MMP26: variants seen among roughly 807,000 people sequenced by gnomAD.
MMP26 encodes matrix metalloproteinase-26.
Under a neutral mutation model 31.0 loss-of-function variants are expected in MMP26, and 33 were observed. That is an observed-to-expected ratio of 1.06 (90% CI 0.81 to 1.42). The LOEUF (loss-of-function observed/expected upper bound fraction) is 1.42, where lower values mean the gene tolerates loss of function less well. Among genes scored for constraint, MMP26 ranks in the 40% most tolerant of loss-of-function variants. The probability of loss-of-function intolerance (pLI) is 0.00; values close to 1 mark genes in which losing one functional copy is unlikely to be tolerated. For synonymous variants in MMP26, 122 were observed against 114.9 expected, an observed-to-expected ratio of 1.06 and a Z score of -0.40; for missense variants, 347 against 316.1, an observed-to-expected ratio of 1.10 and a Z score of -0.74.
intron 2 of MMP26, among the ~76,000 whole-genome samples, chr11:4,938,828 A>G (rs1334325407): frequency 1.3e-5 from 2 of 152,006 alleles, no homozygotes; most frequent in Non-Finnish European, 2.9e-5. Context: ...TCATAATTAC[A>G]TGATCTTAGG....
chr11:4,795,976 G>A (rs555653418), intron 2 of MMP26, among the ~76,000 whole-genome samples: 6 of 152,230 alleles, frequency 3.9e-5, no homozygotes, highest in African/African-American at 9.6e-5. Flanking sequence ...AGTTCTATGC[G>A]TCAGAGTTTC....
At chr11:4,943,620 C>A in intron 2 of MMP26, 1 of 374,224 alleles carries the variant, frequency 2.7e-6, no homozygotes, top group Non-Finnish European at 5.3e-6. Flanking sequence ...CACCCACACC[C>A]CCAGGTTGCA....
chr11:4,743,548 C>G (rs1848341363), intron 1 of MMP26, among the ~76,000 whole-genome samples: 1 of 152,268 alleles, frequency 6.6e-6, no homozygotes, highest in East Asian at 1.9e-4. Context: ...ATGTCCTAAT[C>G]TCTTTAGGGA....
chr11:4,736,080 A>G (rs1848236212), intron 1 of MMP26: 1 of 152,206 alleles, frequency 6.6e-6, no homozygotes, highest in Non-Finnish European at 1.5e-5. Flanking sequence ...TCACTGATAT[A>G]AGGGATTATT....
intron 1 of MMP26, among the ~76,000 whole-genome samples, chr11:4,746,162 G>T (rs1848377265): frequency 6.6e-6 from 1 of 152,134 alleles, no homozygotes; most frequent in Non-Finnish European, 1.5e-5. Context: ...CCATTGACTT[G>T]CATTATCATT....
chr11:4,882,649 C>T, intron 2 of MMP26: 2 of 1,613,942 alleles, frequency 1.2e-6, no homozygotes, highest in Non-Finnish European at 1.7e-6. Context: ...TCTGTGCAGT[C>T]ACTATTTTCT....
chr11:4,904,889 A>G (rs1347797395), intron 2 of MMP26, among the ~76,000 whole-genome samples: 1 of 152,140 alleles, frequency 6.6e-6, no homozygotes, highest in Non-Finnish European at 1.5e-5. Context: ...ACATGGGGAT[A>G]AATAAAACCT....
chr11:4,942,465 A>G (rs1846228266), intron 2 of MMP26, among the ~76,000 whole-genome samples: 1 of 152,090 alleles, frequency 6.6e-6, no homozygotes, highest in African/African-American at 2.4e-5. Context: ...GAATGTTTTA[A>G]TATTTTATCA....
intron 2 of MMP26, among the ~76,000 whole-genome samples, chr11:4,817,210 T>C (rs1849433903): frequency 6.6e-6 from 1 of 152,036 alleles, no homozygotes; most frequent in South Asian, 2.1e-4. Flanking sequence ...GGGACTAAAT[T>C]TGGGAAAGGA....
chr11:4,991,638 A>G (rs1360211071), intron 6 of MMP26, 142 bp downstream of exon 6: 22 of 1,040,704 alleles, frequency 2.1e-5, no homozygotes, highest in Non-Finnish European at 3.0e-5. Context: ...ATAAGTGAGG[A>G]GATGTGGGAT....
chr11:4,804,754 G>A, intron 2 of MMP26: 1 of 349,780 alleles, frequency 2.9e-6, no homozygotes, highest in Non-Finnish European at 5.6e-6. Flanking sequence ...AGACCAGCCT[G>A]GCTGACATAG....
At chr11:4,897,143 TTTTG>T (rs1187467733) in intron 2 of MMP26, among the ~76,000 whole-genome samples, 2 of 151,834 alleles carry the variant, frequency 1.3e-5, no homozygotes, top group Non-Finnish European at 2.9e-5. Context: ...CACGCTGATT[TTTTG>T]TTTATTTTTT....
At chr11:4,975,606 C>T (rs1846726344) in intron 2 of MMP26, among the ~76,000 whole-genome samples, 2 of 151,994 alleles carry the variant, frequency 1.3e-5, no homozygotes, top group African/African-American at 2.4e-5. Flanking sequence ...GTAAGTGAAT[C>T]GTTTGAGAAG....
intron 2 of MMP26, among the ~76,000 whole-genome samples, chr11:4,934,149 A>G (rs1851395898): frequency 7.6e-6 from 1 of 132,182 alleles, no homozygotes; most frequent in South Asian, 2.7e-4. Context: ...GAATCGCCAC[A>G]CTGACTTCCA....
intron 2 of MMP26, among the ~76,000 whole-genome samples, chr11:4,885,410 T>C (rs1850534012): frequency 6.6e-6 from 1 of 152,156 alleles, no homozygotes; most frequent in Non-Finnish European, 1.5e-5. Context: ...TTAGTATTTT[T>C]GCTGTGCCTT....
chr11:4,705,317 T>G (rs763051239), intron 1 of MMP26, among the ~76,000 whole-genome samples: 2 of 152,146 alleles, frequency 1.3e-5, no homozygotes, highest in South Asian at 2.1e-4. Flanking sequence ...GAGCATGGCG[T>G]TTGGAGTAAG....
chr11:4,715,192 T>C (rs1481526648), intron 1 of MMP26, among the ~76,000 whole-genome samples: 1 of 152,086 alleles, frequency 6.6e-6, no homozygotes, highest in Non-Finnish European at 1.5e-5. Flanking sequence ...AATATAACGA[T>C]GAAAAAACAA....
intron 2 of MMP26, among the ~76,000 whole-genome samples, chr11:4,857,647 C>T (rs922819692): frequency 6.6e-6 from 1 of 152,130 alleles, no homozygotes. Flanking sequence ...ACCAGAGGTA[C>T]AAGGAGGAGC....
intron 2 of MMP26, among the ~76,000 whole-genome samples, chr11:4,969,956 T>C (rs748078895): frequency 6.6e-6 from 1 of 152,214 alleles, no homozygotes; most frequent in Non-Finnish European, 1.5e-5. Flanking sequence ...CTAATCTGCA[T>C]GCCAATTTGA....
Sources: allele counts gnomAD v4.1 joint callset (sites outside exome capture counted in the v4.1 genomes callset), GRCh38; gene constraint gnomAD v4.1.1; transcripts MANE v1.5; gene names NCBI Gene and HGNC (gene_info 2026-07-23, HGNC 2026-07-21).